CNBD1: variants seen among roughly 807,000 people sequenced by gnomAD.
The protein encoded by CNBD1 is cyclic nucleotide binding domain containing 1.
Under a neutral mutation model 54.4 loss-of-function variants are expected in CNBD1, and 71 were observed. The ratio of observed to expected loss-of-function variants is 1.30; its 90% CI spans 1.08 to 1.59. The LOEUF is 1.59. Among genes scored for constraint, CNBD1 ranks in the 40% most tolerant of loss-of-function variants. The pLI, the probability that CNBD1 is intolerant of heterozygous loss-of-function variation, is 0.00. For synonymous variants in CNBD1, 182 were observed against 170.7 expected (o/e 1.07, Z -0.51); for missense variants, 659 against 518.0 (o/e 1.27, Z -2.64).
intron 4 of CNBD1, among the ~76,000 whole-genome samples, chr8:86,992,362 T>A (rs1388534479): frequency 6.6e-6 from 1 of 152,194 alleles, no homozygotes; most frequent in East Asian, 1.9e-4. Context: ...CCTGTGAGTA[T>A]CATTAAATAT....
chr8:87,063,382 G>A (rs919363677), intron 4 of CNBD1, among the ~76,000 whole-genome samples: 1 of 152,026 alleles, frequency 6.6e-6, no homozygotes, highest in African/African-American at 2.4e-5. Context: ...TTATTGAAAA[G>A]ACCATGAATT....
chr8:86,989,652 T>A (rs1470970752), intron 4 of CNBD1, among the ~76,000 whole-genome samples: 1 of 152,086 alleles, frequency 6.6e-6, no homozygotes, highest in Non-Finnish European at 1.5e-5. Flanking sequence ...GGTTTCACCA[T>A]GTTGCCCAGG....
rs149238225 is a variant in CNBD1, at chr8:87,277,289, A to C, written c.772-7389A>C. On this transcript the variant is annotated intron_variant, in intron 6 of 10. Transcript: ENST00000518476. ...ATTCTGTCTTATTCAGGGGAAGGTC[A>C]GCCTTTTATGCTATACAGGCCTTTA... 2.0e-5 allele frequency among the ~76,000 whole-genome samples: 3 copies of C among 151,822 alleles called. No homozygotes were observed. The Admixed American group carries it at 2.0e-4, about 10-fold the overall frequency.
At chr8:87,248,395 C>T (rs6468725) in intron 6 of CNBD1, among the ~76,000 whole-genome samples, 44,169 of 152,112 alleles carry the variant, frequency 0.29, 7,124 homozygotes, top group African/African-American at 0.43. Flanking sequence ...AAAAGACTTC[C>T]TAGCTTTAGC....
rs146769277 is a variant in CNBD1 at position 87,145,248 on chromosome 8, G to A, written c.432-60745G>A. On this transcript the variant is annotated intron_variant, in intron 4 of 10. Transcript: ENST00000518476. ...ATGACAAATAGATTGGGAGTGGATA[G>A]CTTAAGAGTAAAATGAAAACTAAAG... Among the ~76,000 whole-genome samples the A allele has an allele frequency of 4.3e-4, 66 of 152,226 alleles. No homozygotes were observed. In the East Asian group the frequency reaches 0.012, roughly 29 times the overall value.
At chr8:87,108,073 C>T (rs1320202648) in intron 4 of CNBD1, among the ~76,000 whole-genome samples, 3 of 152,212 alleles carry the variant, frequency 2.0e-5, no homozygotes, top group African/African-American at 7.2e-5. Flanking sequence ...AGGGATTCTC[C>T]TTCTCTCCAT....
chr8:86,960,452 A>C (rs1220688532), intron 4 of CNBD1, among the ~76,000 whole-genome samples: 3 of 152,090 alleles, frequency 2.0e-5, no homozygotes, highest in Non-Finnish European at 2.9e-5. Context: ...GTCCACTGTC[A>C]CTGAGGCTTG....
At chr8:86,967,089 A>G (rs2130482777) in intron 4 of CNBD1, among the ~76,000 whole-genome samples, 1 of 152,300 alleles carries the variant, frequency 6.6e-6, no homozygotes, top group South Asian at 2.1e-4. Flanking sequence ...CACCTGACCC[A>G]GAAGCCCACC....
chr8:87,231,031 C>T (rs2130820632), intron 5 of CNBD1, among the ~76,000 whole-genome samples: 2 of 152,086 alleles, frequency 1.3e-5, no homozygotes, highest in East Asian at 3.9e-4. Flanking sequence ...GAAATGGGAG[C>T]CAGCATTTCA....
chr8:87,081,511 G>GT (rs530640699), intron 4 of CNBD1, among the ~76,000 whole-genome samples: 30,258 of 140,138 alleles, frequency 0.22, 3,637 homozygotes, highest in Admixed American at 0.29. Context: ...TTTTGTTTTT[G>GT]TTTTTTTTTT....
At chr8:86,945,221 T>C (rs1180138339) in intron 4 of CNBD1, among the ~76,000 whole-genome samples, 2 of 152,192 alleles carry the variant, frequency 1.3e-5, no homozygotes, top group African/African-American at 4.8e-5. Flanking sequence ...GACTTATAAA[T>C]GAGCTGTGAA....
intron 6 of CNBD1, among the ~76,000 whole-genome samples, chr8:87,266,185 GA>G (rs540404086): frequency 1.6e-3 from 238 of 149,120 alleles, no homozygotes; most frequent in South Asian, 6.8e-3. Flanking sequence ...AATTCCATTG[GA>G]AAAAAAAATC....
intron 4 of CNBD1, among the ~76,000 whole-genome samples, chr8:87,006,741 C>G (rs1364322969): frequency 6.6e-6 from 1 of 152,174 alleles, no homozygotes; most frequent in Non-Finnish European, 1.5e-5. Flanking sequence ...GGGACAGATA[C>G]TCAAACCATA....
chr8:87,374,572 C>A (rs1293201469), intron 10 of CNBD1, among the ~76,000 whole-genome samples: 1 of 151,828 alleles, frequency 6.6e-6, no homozygotes, highest in Non-Finnish European at 1.5e-5. Context: ...ACAACTCTCT[C>A]TTTTGTCTTC....
chr8:86,887,491 C>A, intron 1 of CNBD1, 51 bp from the exon 2 acceptor site: 4 of 1,165,356 alleles, frequency 3.4e-6, no homozygotes, highest in Admixed American at 2.1e-5. Flanking sequence ...TACACACTTG[C>A]TTAATAAGAT....
chr8:87,307,736 T>TAAAA (rs1809184930), intron 8 of CNBD1, among the ~76,000 whole-genome samples: 1 of 82,080 alleles, frequency 1.2e-5, no homozygotes, highest in Non-Finnish European at 2.8e-5. Context: ...AAACTCCGTC[T>TAAAA]CAAAAAAAAA....
intron 4 of CNBD1, among the ~76,000 whole-genome samples, chr8:86,972,883 T>C (rs1344189777): frequency 6.6e-6 from 1 of 152,196 alleles, no homozygotes; most frequent in Non-Finnish European, 1.5e-5. Context: ...TGTAGCCCTC[T>C]CAGGACATCA....
intron 10 of CNBD1, among the ~76,000 whole-genome samples, chr8:87,366,551 C>T (rs1477768375): frequency 2.0e-5 from 3 of 152,030 alleles, no homozygotes; most frequent in Non-Finnish European, 4.4e-5. Context: ...AGATAACCTG[C>T]CTATTTTAAG....
intron 5 of CNBD1, among the ~76,000 whole-genome samples, chr8:87,224,613 G>A (rs1814433715): frequency 6.6e-6 from 1 of 151,538 alleles, no homozygotes; most frequent in Non-Finnish European, 1.5e-5. Flanking sequence ...TCTCTGTTTA[G>A]GTACCAGTAC....
Sources: allele counts gnomAD v4.1 joint callset (sites outside exome capture counted in the v4.1 genomes callset), GRCh38; gene constraint gnomAD v4.1.1; transcripts MANE v1.5; gene names NCBI Gene and HGNC (gene_info 2026-07-23, HGNC 2026-07-21).